The following ARHGAP32 variants were observed in gnomAD, a reference collection of about 807,000 sequenced individuals.
ARHGAP32 encodes the protein Rho GTPase activating protein 32.
ARHGAP32 carries 51 observed loss-of-function variants against 186.5 expected under a neutral mutation model. That is an observed-to-expected ratio of 0.27 (90% confidence interval 0.22 to 0.35). The LOEUF (loss-of-function observed/expected upper bound fraction) is 0.35. Among genes scored for constraint, ARHGAP32 ranks in the 10% least tolerant of loss-of-function variants. The pLI, the probability that ARHGAP32 is intolerant of heterozygous loss-of-function variation, is 1.00. For synonymous variants in ARHGAP32, 950 were observed against 964.3 expected, an observed-to-expected ratio of 0.99 and a Z score of 0.27; for missense variants, 2,186 against 2,623.5, an observed-to-expected ratio of 0.83 and a Z score of 3.64.
chr11:129,190,931 T>C (rs1473300), intron 1 of ARHGAP32, among the ~76,000 whole-genome samples: 19,033 of 152,158 alleles, frequency 0.13, 1,340 homozygotes, highest in Non-Finnish European at 0.15. Context: ...AATAATCATA[T>C]GCTAATAATT....
chr11:129,093,790 A>G, intron 5 of ARHGAP32, 83 bp from the exon 6 acceptor site: 1 of 923,550 alleles, frequency 1.1e-6, no homozygotes, highest in Non-Finnish European at 1.7e-6. Flanking sequence ...TAATACCTGG[A>G]GCATCATCTC....
chr11:128,982,140 AAAT>A (rs1336322960), intron 15 of ARHGAP32, among the ~76,000 whole-genome samples: 2 of 152,230 alleles, frequency 1.3e-5, no homozygotes, highest in Non-Finnish European at 1.5e-5. Flanking sequence ...TTTCTGGAAC[AAAT>A]AATATTTTGA....
intron 1 of ARHGAP32, among the ~76,000 whole-genome samples, chr11:129,219,775 G>C (rs186353285): frequency 2.0e-5 from 3 of 152,134 alleles, no homozygotes; most frequent in Non-Finnish European, 2.9e-5. Flanking sequence ...TTGTCTCCCA[G>C]AGTGAAAAAA....
In ARHGAP32 at chr11:129,220,855, T is replaced by G. The variant is rs148640890; in HGVS notation, c.-4-56428A>C. Among the ~76,000 whole-genome samples, 369 of 152,294 alleles carry G rather than the reference T, an allele frequency of 2.4e-3. 3 individuals carry two copies. The South Asian group carries it at 0.034, about 14-fold the overall frequency. ...TCATTTTTACAACTATTTTACAGGT[T>G]AAACTCAATTCAATGGCACAACAGT... On this transcript the variant is annotated intron_variant, in intron 1 of 6. Coordinates refer to the ARHGAP32 transcript ENST00000525234.
chr11:129,141,345 A>G (rs1462157226), intron 2 of ARHGAP32, among the ~76,000 whole-genome samples: 4 of 150,976 alleles, frequency 2.6e-5, no homozygotes, highest in African/African-American at 9.9e-5. Context: ...GCTGGAAACC[A>G]TGATTCTGAG....
In ARHGAP32 at chr11:129,006,823, T is replaced by TC. The variant is rs570321333; in HGVS notation, c.1046-8356dup. Among the ~76,000 whole-genome samples the TC allele has an allele frequency of 1.6e-4, 25 of 152,316 alleles. No homozygotes were observed. The East Asian group carries it at 2.3e-3, about 14-fold the overall frequency. Reference sequence around the variant, plus strand: ...TGTTGTTCCTTTCAAGGCAGTGAGTTCCCCCAGGCCCTAGGTGGGTCCAGA... The same window carrying TC: ...TGTTGTTCCTTTCAAGGCAGTGAGTTCCCCCCAGGCCCTAGGTGGGTCCAGA... On this transcript the variant is annotated intron_variant, in intron 11 of 22. Coordinates refer to ENST00000682385, the MANE Select transcript of ARHGAP32 (RefSeq NM_001378024.1).
At chr11:128,995,392 A>G (rs1946170486) in intron 12 of ARHGAP32, among the ~76,000 whole-genome samples, 1 of 152,046 alleles carries the variant, frequency 6.6e-6, no homozygotes, top group African/African-American at 2.4e-5. Context: ...TTTTTTCTGT[A>G]TAAATGGGGT....
At chr11:129,029,813 A>AAAAC (rs1939030909) in intron 11 of ARHGAP32, among the ~76,000 whole-genome samples, 1 of 150,270 alleles carries the variant, frequency 6.7e-6, no homozygotes, top group African/African-American at 2.4e-5. Flanking sequence ...AAAAAAAAAA[A>AAAAC]AAAAAAAAAA....
intron 8 of ARHGAP32, 108 bp from the exon 9 acceptor site, chr11:129,064,132 G>T: frequency 4.6e-6 from 4 of 864,280 alleles, no homozygotes; most frequent in Non-Finnish European, 4.5e-6. Flanking sequence ...ATAACCCAAA[G>T]AGTCTTAAAA....
In ARHGAP32 at chr11:128,968,899, C is replaced by G; in HGVS notation, c.*8G>C. ...CAGAGGCTGCTTCAACTCTATTGCT[C>G]GCAGGGCTCATTCTGCATGGATCTG... On this transcript the variant is annotated 3_prime_UTR_variant, in exon 23 of 23. Coordinates refer to ENST00000682385, the MANE Select transcript of ARHGAP32 (RefSeq NM_001378024.1). 1 of 1,480,184 alleles carries G rather than the reference C, an allele frequency of 6.8e-7. No homozygotes were observed. The highest frequency in any genetic ancestry group is 9.0e-7 in the Non-Finnish European group (1 of 1,110,562). The allele number at this position is 1,480,184 out of a possible 1,614,324, so 91.7% of individuals were successfully genotyped here.
At chr11:129,135,727 AC>A (rs1228635544) in intron 2 of ARHGAP32, among the ~76,000 whole-genome samples, 1 of 152,112 alleles carries the variant, frequency 6.6e-6, no homozygotes, top group Non-Finnish European at 1.5e-5. Flanking sequence ...AGATCGCGCC[AC>A]TGCACTCCAG....
chr11:129,162,466 A>G (rs1326727287), intron 2 of ARHGAP32, among the ~76,000 whole-genome samples: 1 of 152,160 alleles, frequency 6.6e-6, no homozygotes, highest in Non-Finnish European at 1.5e-5. Flanking sequence ...TGAGGAGTCA[A>G]TGTTGAGTGT....
intron 2 of ARHGAP32, among the ~76,000 whole-genome samples, chr11:129,156,547 A>G (rs1346766813): frequency 1.3e-5 from 2 of 152,160 alleles, no homozygotes; most frequent in Non-Finnish European, 2.9e-5. Context: ...TCTAGGCAGG[A>G]CATGTCTGTA....
intron 11 of ARHGAP32, among the ~76,000 whole-genome samples, chr11:129,011,257 T>C (rs1938064900): frequency 6.6e-6 from 1 of 152,204 alleles, no homozygotes. Flanking sequence ...TTTAGAGGAA[T>C]AAACTGAGGC....
chr11:129,217,383 G>A (rs554798981), intron 1 of ARHGAP32, among the ~76,000 whole-genome samples: 1 of 152,246 alleles, frequency 6.6e-6, no homozygotes, highest in East Asian at 1.9e-4. Context: ...CAACAGTAGT[G>A]CAAGATAGGT....
intron 5 of ARHGAP32, among the ~76,000 whole-genome samples, chr11:129,119,473 C>A (rs1299539950): frequency 6.6e-6 from 1 of 151,868 alleles, no homozygotes; most frequent in Non-Finnish European, 1.5e-5. Flanking sequence ...ATTTTAAAAA[C>A]CAATTGTATC....
intron 15 of ARHGAP32, among the ~76,000 whole-genome samples, chr11:128,985,323 T>A (rs1303153776): frequency 2.0e-5 from 3 of 152,136 alleles, no homozygotes; most frequent in Non-Finnish European, 2.9e-5. Flanking sequence ...TGGCCTATAG[T>A]GCTGATTTTT....
At chr11:129,179,065 A>T (rs1043608025) in intron 1 of ARHGAP32, among the ~76,000 whole-genome samples, 12 of 151,668 alleles carry the variant, frequency 7.9e-5, no homozygotes, top group Non-Finnish European at 1.6e-4. Flanking sequence ...GCTAATATCC[A>T]GAATCTACAA....
chr11:129,164,278 ATATATATG>A, intron 2 of ARHGAP32, 33 bp downstream of exon 2: 10 of 1,170,212 alleles, frequency 8.5e-6, no homozygotes, highest in South Asian at 1.4e-5. Context: ...CTATATATAC[ATATATATG>A]TATATATGAA....
Sources: gnomAD v4.1 joint callset for allele counts (sites outside exome capture counted in the v4.1 genomes callset) on GRCh38, gnomAD v4.1.1 for gene constraint, MANE v1.5 for transcripts, NCBI Gene and HGNC (gene_info 2026-07-23, HGNC 2026-07-21) for gene names.